The following LINGO2 variants were observed in gnomAD, a reference collection of about 807,000 sequenced individuals.
LINGO2 encodes the protein leucine rich repeat and Ig domain containing 2.
Under a neutral mutation model 30.6 loss-of-function variants are expected in LINGO2, and 14 were observed. That is an observed-to-expected ratio of 0.46 (90% confidence interval 0.30 to 0.72). The LOEUF is 0.72. Among genes scored for constraint, LINGO2 ranks in the 30% least tolerant of loss-of-function variants. The pLI, the probability that LINGO2 is intolerant of heterozygous loss-of-function variation, is 0.07. For missense variants in LINGO2, 729 were observed against 751.7 expected (o/e 0.97, Z 0.35); for synonymous variants, 317 against 288.5 (o/e 1.10, Z -1.00).
chr9:28,448,089 G>A (rs1001131778), intron 2 of LINGO2, among the ~76,000 whole-genome samples: 6 of 152,096 alleles, frequency 3.9e-5, no homozygotes, highest in South Asian at 2.1e-4. Context: ...AAGGGGGTAC[G>A]TGCAGGGAGA....
chr9:29,087,865 T>C, the LINGO2 span, among the ~76,000 whole-genome samples: 1 of 152,104 alleles, frequency 6.6e-6, no homozygotes, highest in Non-Finnish European at 1.5e-5. Context: ...TCTTTAACTT[T>C]TCTATAAATA....
chr9:28,821,582 C>A, the LINGO2 span, among the ~76,000 whole-genome samples: 57,004 of 152,058 alleles, frequency 0.37, 12,651 homozygotes, highest in Middle Eastern at 0.5. Flanking sequence ...CAAAACAGAA[C>A]GTTGTGAAAA....
intron 4 of LINGO2, among the ~76,000 whole-genome samples, chr9:28,260,546 A>G (rs1205490836): frequency 6.6e-6 from 1 of 151,838 alleles, no homozygotes; most frequent in Non-Finnish European, 1.5e-5. Flanking sequence ...CATTACTCGT[A>G]GTTACATTCC....
chr9:28,570,077 A>G (rs1481251081), intron 1 of LINGO2, among the ~76,000 whole-genome samples: 3 of 151,970 alleles, frequency 2.0e-5, no homozygotes, highest in Non-Finnish European at 4.4e-5. Flanking sequence ...GGAAGGCTAC[A>G]TATTCAGAGA....
chr9:28,833,969 T>G, the LINGO2 span, among the ~76,000 whole-genome samples: 1 of 152,130 alleles, frequency 6.6e-6, no homozygotes, highest in African/African-American at 2.4e-5. Context: ...ATTTTACACT[T>G]TTTTAGCCTG....
chr9:28,043,970 A>C lies in LINGO2; in HGVS notation c.-86-31565T>G, dbSNP rs976999352. 2.0e-5 allele frequency among the ~76,000 whole-genome samples: 3 copies of C among 152,314 alleles called. No individual in the cohort carries two copies. In the East Asian group the frequency reaches 5.8e-4, roughly 29 times the overall value. On this transcript the variant is annotated intron_variant, in intron 4 of 5. Transcript: ENST00000379992. ...GCAGTTGGTTGATGTATATGTTAGT[A>C]CTATTTTTAATCTATGTGTTTTCCC...
the LINGO2 span, among the ~76,000 whole-genome samples, chr9:29,049,876 T>C: frequency 6.6e-6 from 1 of 152,150 alleles, no homozygotes; most frequent in Non-Finnish European, 1.5e-5. Context: ...TAAGATCTAC[T>C]ACTCAATAGC....
chr9:27,969,044 T>C (rs1820233593), intron 5 of LINGO2, among the ~76,000 whole-genome samples: 1 of 152,022 alleles, frequency 6.6e-6, no homozygotes, highest in Admixed American at 6.6e-5. Flanking sequence ...ATATACATGC[T>C]AATTATCCTC....
intron 4 of LINGO2, among the ~76,000 whole-genome samples, chr9:28,212,927 T>C (rs1365693726): frequency 6.6e-6 from 1 of 151,510 alleles, no homozygotes; most frequent in Admixed American, 6.6e-5. Flanking sequence ...TTTGTCATAG[T>C]AGAGAAAGCA....
the LINGO2 span, among the ~76,000 whole-genome samples, chr9:29,040,775 A>G: frequency 6.6e-6 from 1 of 152,154 alleles, no homozygotes; most frequent in East Asian, 1.9e-4. Context: ...AAATATTCAT[A>G]TCCAAGAGCA....
intron 2 of LINGO2, among the ~76,000 whole-genome samples, chr9:28,421,117 A>C (rs1185237927): frequency 4.6e-5 from 7 of 152,046 alleles, no homozygotes; most frequent in Non-Finnish European, 8.8e-5. Context: ...AAACAAAAAA[A>C]ATTCAAAGTT....
chr9:28,022,321 T>C (rs1001643156), intron 4 of LINGO2, among the ~76,000 whole-genome samples: 19 of 152,042 alleles, frequency 1.2e-4, no homozygotes, highest in African/African-American at 4.3e-4. Context: ...CAATACATCA[T>C]TGCTACTATT....
intron 4 of LINGO2, among the ~76,000 whole-genome samples, chr9:28,204,207 C>T (rs1303002276): frequency 6.6e-6 from 1 of 152,090 alleles, no homozygotes; most frequent in Non-Finnish European, 1.5e-5. Context: ...TCTGTATCTA[C>T]TTGTCTTTAT....
intron 4 of LINGO2, among the ~76,000 whole-genome samples, chr9:28,190,712 G>A (rs1344294134): frequency 6.6e-6 from 1 of 152,082 alleles, no homozygotes; most frequent in South Asian, 2.1e-4. Flanking sequence ...ATGGTATTTT[G>A]TTAAACCAGC....
At chr9:28,362,731 A>C (rs1034361755) in intron 3 of LINGO2, among the ~76,000 whole-genome samples, 3 of 152,142 alleles carry the variant, frequency 2.0e-5, no homozygotes, top group Admixed American at 6.5e-5. Context: ...CAGCCTCCAA[A>C]GTGCAGGGAT....
chr9:28,850,749 G>C, the LINGO2 span, among the ~76,000 whole-genome samples: 2 of 152,028 alleles, frequency 1.3e-5, no homozygotes, highest in Non-Finnish European at 2.9e-5. Flanking sequence ...TTGTAGAGCT[G>C]TAACCTACCC....
rs551138402 is a variant in LINGO2 at position 28,368,848 on chromosome 9, G to A, written c.-246+3988C>T. On this transcript the variant is annotated intron_variant, in intron 3 of 5. Coordinates refer to ENST00000379992, the Ensembl canonical transcript of LINGO2. ...CCTGACCTCGTGATCCACCTGCCTC[G>A]GCCTCCCAAAGTGCTGGGATTACAG... Among the ~76,000 whole-genome samples the A allele has an allele frequency of 1.3e-4, 20 of 151,870 alleles. No homozygotes were observed. In the South Asian group the frequency reaches 3.3e-3, roughly 25 times the overall value.
intron 2 of LINGO2, among the ~76,000 whole-genome samples, chr9:28,428,145 C>G (rs931056382): frequency 6.6e-6 from 1 of 152,032 alleles, no homozygotes; most frequent in Non-Finnish European, 1.5e-5. Flanking sequence ...CCAGTTATAG[C>G]CATGTATCAC....
chr9:28,416,804 A>T (rs1428648155), intron 2 of LINGO2, among the ~76,000 whole-genome samples: 2 of 152,192 alleles, frequency 1.3e-5, no homozygotes, highest in Non-Finnish European at 2.9e-5. Flanking sequence ...TTAAGCTGTT[A>T]ATGTTAAGAT....
Sources: gnomAD v4.1 joint callset for allele counts (sites outside exome capture counted in the v4.1 genomes callset) on GRCh38, gnomAD v4.1.1 for gene constraint, MANE v1.5 for transcripts, NCBI Gene and HGNC (gene_info 2026-07-23, HGNC 2026-07-21) for gene names.